DST: variants seen among roughly 807,000 people sequenced by gnomAD.
DST encodes dystonin, also known as bullous pemphigoid antigen.
A neutral mutation model predicts 875.2 loss-of-function variants in DST; 253 were observed. The ratio of observed to expected loss-of-function variants is 0.29; its 90% CI spans 0.26 to 0.32. The LOEUF (loss-of-function observed/expected upper bound fraction) is 0.32, where lower values mean the gene tolerates loss of function less well. DST is among the 10% of genes least tolerant of loss of function. The pLI is 1.00. For missense variants in DST, 8,287 were observed against 9,111.6 expected, an observed-to-expected ratio of 0.91 and a Z score of 3.68; for synonymous variants, 3,124 against 3,197.1, an observed-to-expected ratio of 0.98 and a Z score of 0.77.
intron 61 of DST, among the ~76,000 whole-genome samples, chr6:56,542,991 C>A (rs1373868109): frequency 1.3e-5 from 2 of 152,190 alleles, no homozygotes; most frequent in Non-Finnish European, 2.9e-5. Flanking sequence ...GTGACATCAG[C>A]GCAAAGCAGG....
intron 50 of DST, 84 bp from the exon 51 acceptor site, chr6:56,573,971 A>G: frequency 1.1e-6 from 1 of 944,310 alleles, no homozygotes; most frequent in Non-Finnish European, 1.5e-6. Flanking sequence ...TGAATCATAC[A>G]ATTTCCACAC....
At chr6:56,921,050 C>A (rs1334782824) in intron 2 of DST, among the ~76,000 whole-genome samples, 2 of 151,592 alleles carry the variant, frequency 1.3e-5, no homozygotes, top group African/African-American at 4.8e-5. Flanking sequence ...AATAGAGCAG[C>A]AGACATTTTT....
At chr6:56,646,031 GAAAAC>G in intron 14 of DST, 38 bp from the exon 15 acceptor site, 3 of 1,598,304 alleles carry the variant, frequency 1.9e-6, no homozygotes, top group Non-Finnish European at 2.6e-6. Context: ...AAGCAAAAAT[GAAAAC>G]AAAACAAAAC....
rs757200512 is a variant in DST, at chr6:56,610,505, A to G, written c.5205T>C (p.Ser1735=). The G allele has an allele frequency of 6.4e-7, 1 of 1,566,824 alleles. No individual in the cohort carries two copies. Among genetic ancestry groups the G allele is most frequent in the East Asian group, 2.3e-5 (1 of 43,648 alleles). The part of the protein sequence containing the change: ...LEKQVKTLQE[S]YNLLFSESLK... ...GAGATTCACTGAATAATAAATTATA[A>G]CTTTCCTGAAGAGTTTTCACTTGTT... The change falls in exon 39 of 104, where the codon AGT becomes AGC. Residue 1735 remains serine, a synonymous_variant. Coordinates refer to ENST00000680361, the MANE Select transcript of DST (RefSeq NM_001374736.1).
At chr6:56,590,073 A>G (rs2098242864) in intron 49 of DST, among the ~76,000 whole-genome samples, 1 of 152,240 alleles carries the variant, frequency 6.6e-6, no homozygotes, top group African/African-American at 2.4e-5. Flanking sequence ...ATCTTCTGAG[A>G]GAAAAATATG....
rs766153258 is a variant in DST, at chr6:56,535,282, C to T, written c.16781G>A (p.Arg5594Gln). The T allele has an allele frequency of 7.0e-6, 11 of 1,570,910 alleles. No individual in the cohort carries two copies. Among genetic ancestry groups the T allele is most frequent in the African/African-American group, 2.8e-5 (2 of 72,160 alleles). The change falls in exon 63 of 104, where the codon CGA (arginine) becomes CAA (glutamine). Residue 5594 changes from arginine (R) to glutamine (Q), a missense_variant. This residue lies in a region of DST where 777 missense variants were observed against 764.8 expected (regional missense o/e 1.02). Transcript: ENST00000680361. ...CAAGGCCTCCTGCAGCTGGGCTGCT[C>T]GCTGAGCCACCTGCAAAGTGCCAAT... ...WKTLNKKVAQ[R>Q]AAQLQEALLH...
chr6:56,579,666 C>G (rs1050741540), intron 49 of DST, among the ~76,000 whole-genome samples: 3 of 152,168 alleles, frequency 2.0e-5, no homozygotes, highest in Admixed American at 1.3e-4. Context: ...GCAGAACAAA[C>G]AGAAGACACA....
intron 4 of DST, among the ~76,000 whole-genome samples, chr6:56,846,419 G>A (rs1394237905): frequency 3.3e-5 from 5 of 152,142 alleles, no homozygotes; most frequent in African/African-American, 1.2e-4. Flanking sequence ...GAAGAATTTG[G>A]ATAGGACAAA....
rs372658705 is a variant in DST at position 56,639,228 on chromosome 6, C to T, written c.2964+31G>A. The T allele has an allele frequency of 2.6e-6, 4 of 1,531,560 alleles. 1 individual carries two copies. In the African/African-American group the frequency reaches 5.5e-5, roughly 21 times the overall value. 94.9% of individuals were successfully genotyped at this position (1,531,560 alleles called of 1,614,324 possible). ...GAAGGGAAATAATCATATCAATATT[C>T]AACCAACACCATTACACTTTCCAGC... On this transcript the variant is annotated intron_variant, in intron 22 of 103. Coordinates refer to ENST00000680361, the MANE Select transcript of DST (RefSeq NM_001374736.1).
At position 56,532,362 on chromosome 6, in the gene DST, A is replaced by T. The variant is rs1487776576; in HGVS notation, c.17090T>A (p.Leu5697His). 1 of 1,613,450 alleles carries T rather than the reference A, an allele frequency of 6.2e-7. No homozygotes were observed. Among genetic ancestry groups the T allele is most frequent in the East Asian group, 2.2e-5 (1 of 44,872 alleles). Reference sequence around the variant, plus strand: ...AAGTTACCTTGTTTCAGCTTTATTAAGCAATGCCTCCCATCTGCTATCCAA... The same window carrying T: ...AAGTTACCTTGTTTCAGCTTTATTATGCAATGCCTCCCATCTGCTATCCAA... ...SLLDSRWEAL[L>H]NKAETRNRQL... is the part of the protein sequence containing the mutation. The change falls in exon 64 of 104, where the codon CTT becomes CAT. Residue 5697 changes from leucine (L) to histidine (H), a missense_variant. This residue lies in a region of DST where 777 missense variants were observed against 764.8 expected (regional missense o/e 1.02). Transcript: ENST00000680361.
At chr6:56,944,102 G>A (rs1818173190) in intron 2 of DST, among the ~76,000 whole-genome samples, 1 of 152,264 alleles carries the variant, frequency 6.6e-6, no homozygotes. Context: ...GGGCAACAGA[G>A]AGAGACCCTG....
chr6:56,644,737 G>A (rs935235961), intron 15 of DST, among the ~76,000 whole-genome samples: 1 of 152,186 alleles, frequency 6.6e-6, no homozygotes, highest in African/African-American at 2.4e-5. Context: ...GAATGTTTAG[G>A]TGTAAGGCAG....
chr6:56,702,339 T>C (rs2099312233), intron 7 of DST, among the ~76,000 whole-genome samples: 1 of 152,058 alleles, frequency 6.6e-6, no homozygotes, highest in Admixed American at 6.6e-5. Context: ...TTTTACCTTC[T>C]TATTGAACAC....
Position 56,504,057 on chromosome 6 carries a change from A to G in DST, c.19506T>C (p.Ala6502=). ...GATCTGTTCCAATTGGAGACATTGA[A>G]GCTAATTTACCACCTGCAATATCTA... ...DWVDIAGGKL[A]SMSPIGTDLE... The change falls in exon 78 of 104, where the codon GCT becomes GCC. Residue 6502 remains alanine (A), a synonymous_variant. Transcript: ENST00000680361. 1 of 1,609,780 alleles carries G rather than the reference A, an allele frequency of 6.2e-7. No homozygotes were observed. Among genetic ancestry groups the G allele is most frequent in the Non-Finnish European group, 8.5e-7 (1 of 1,178,148 alleles).
At chr6:56,874,667 G>T (rs1778869358) in intron 3 of DST, among the ~76,000 whole-genome samples, 1 of 152,156 alleles carries the variant, frequency 6.6e-6, no homozygotes, top group Non-Finnish European at 1.5e-5. Context: ...TCCAAATTCT[G>T]CATTCTTTCC....
intron 17 of DST, 51 bp downstream of exon 17, chr6:56,641,896 T>A: frequency 6.9e-7 from 1 of 1,446,516 alleles, no homozygotes; most frequent in Non-Finnish European, 9.4e-7. Context: ...CAAATGCCCA[T>A]GAAACAGTTA....
intron 3 of DST, among the ~76,000 whole-genome samples, chr6:56,856,968 A>C (rs1183095122): frequency 1.3e-5 from 2 of 152,072 alleles, no homozygotes; most frequent in Non-Finnish European, 2.9e-5. Flanking sequence ...CTTTTCTATA[A>C]ATCTGAATAT....
intron 5 of DST, among the ~76,000 whole-genome samples, chr6:56,716,978 C>G (rs572171639): frequency 1.5e-4 from 23 of 152,088 alleles, no homozygotes; most frequent in African/African-American, 3.1e-4. Flanking sequence ...TCAGGAGATC[C>G]AGACCATCCT....
intron 4 of DST, among the ~76,000 whole-genome samples, chr6:56,833,821 G>A (rs1483907553): frequency 6.6e-6 from 1 of 151,956 alleles, no homozygotes; most frequent in East Asian, 1.9e-4. Flanking sequence ...GTCAAAAGGA[G>A]GTAATGGTAT....
Sources: allele counts gnomAD v4.1 joint callset (sites outside exome capture counted in the v4.1 genomes callset), GRCh38; gene constraint gnomAD v4.1.1; regional missense constraint gnomAD v4.1.1; transcripts MANE v1.5; gene names NCBI Gene and HGNC (gene_info 2026-07-23, HGNC 2026-07-21).